The following BAHD1 variants were observed in gnomAD, a reference collection of about 807,000 sequenced individuals.
BAHD1 encodes bromo adjacent homology domain containing 1.
A neutral mutation model predicts 63.1 loss-of-function variants in BAHD1; 20 were observed. That is an observed-to-expected ratio of 0.32 (90% CI 0.22 to 0.46). The LOEUF is 0.46. Among genes scored for constraint, BAHD1 ranks in the 20% least tolerant of loss-of-function variants. The pLI, the probability that BAHD1 is intolerant of heterozygous loss-of-function variation, is 1.00. For missense variants in BAHD1, 939 were observed against 1,071.8 expected (o/e 0.88, Z 1.73); for synonymous variants, 408 against 426.8 (o/e 0.96, Z 0.54).
In BAHD1 at chr15:40,459,887, T is replaced by C; in HGVS notation, c.1423T>C (p.Phe475Leu). The stretch of plus-strand genomic sequence containing the variant: ...TGGCGGCTGCCCATACAAAATGCCT[T>C]TTGCAGCAGGTGAGGCTTCCTGGGC... ...TCGGCPYKMP[F>L]AAEGCRSLGQ... Residue 475 changes from phenylalanine (F) to leucine (L), a missense_variant, in exon 2 of 7, where the codon TTT becomes CTT. By Grantham distance (22) the Phe-to-Leu change is conservative (BLOSUM62 0). This residue lies in a region of BAHD1 where 797 missense variants were observed against 813.3 expected (regional missense o/e 0.98). Transcript: ENST00000416165. 1 of 1,583,200 alleles carries C rather than the reference T, an allele frequency of 6.3e-7. No homozygotes were observed. Among genetic ancestry groups the C allele is most frequent in the Non-Finnish European group, 8.6e-7 (1 of 1,162,874 alleles).
intron 1 of BAHD1, among the ~76,000 whole-genome samples, chr15:40,450,223 G>A (rs939954371): frequency 2.0e-4 from 31 of 152,338 alleles, no homozygotes; most frequent in Middle Eastern, 3.4e-3. Context: ...ACTCTGATAC[G>A]ATCTGCCTTG....
chr15:40,440,560 A>G (rs1595842194), upstream of BAHD1, among the ~76,000 whole-genome samples: 5 of 110,712 alleles, frequency 4.5e-5, no homozygotes, highest in Admixed American at 9.4e-5. Flanking sequence ...GGGCGGGGGG[A>G]GATAAGATTT....
At chr15:40,449,154 A>G (rs772165147) in intron 1 of BAHD1, among the ~76,000 whole-genome samples, 2 of 152,016 alleles carry the variant, frequency 1.3e-5, no homozygotes, top group Non-Finnish European at 2.9e-5. Context: ...TTTCCTTGTT[A>G]GGATGAAATG....
chr15:40,458,692 C>T lies in BAHD1; in HGVS notation c.228C>T (p.Arg76=). 6.2e-7 allele frequency: 1 copy of T among 1,613,874 alleles called. No individual in the cohort carries two copies. The highest frequency in any genetic ancestry group is 8.5e-7 in the Non-Finnish European group (1 of 1,180,022). Residue 76 remains arginine, a synonymous_variant, in exon 2 of 7, where the codon CGC becomes CGT. Coordinates refer to ENST00000416165, the MANE Select transcript of BAHD1 (RefSeq NM_014952.5). This position sits in a 1 kb window ranked among gnomAD's most constrained non-coding sequence, Gnocchi z 4.7. ...AGGCCTGCAAAGTGCTGCTGACTCG[C>T]CTGGAGAATGTGGCCGGTCCCCGGA... The part of the protein sequence containing the change: ...KPKACKVLLT[R]LENVAGPRSA...
At chr15:40,462,720 C>A (rs73387102) in intron 3 of BAHD1, among the ~76,000 whole-genome samples, 2,106 of 152,092 alleles carry the variant, frequency 0.014, 55 homozygotes, top group African/African-American at 0.048. Context: ...AGGCCAAGTG[C>A]GGTGGCTCAC....
rs1327724435 is a variant in BAHD1 at position 40,440,970 on chromosome 15, G to A, written c.-313G>A. 1.3e-5 allele frequency among the ~76,000 whole-genome samples: 2 copies of A among 151,510 alleles called. No individual in the cohort carries two copies. The highest frequency in any genetic ancestry group is 4.8e-5 in the African/African-American group (2 of 41,386). ...CTCTCGGGGAGTTTGTGGGGGAACC[G>A]CGAGCGGCGTAGCGGATCCCGGAGC... On this transcript the variant is annotated 5_prime_UTR_variant, in exon 1 of 7. Coordinates refer to ENST00000416165, the MANE Select transcript of BAHD1 (RefSeq NM_014952.5).
rs1469555418 is a variant in BAHD1 at position 40,463,909 on chromosome 15, C to T, written c.1864C>T (p.His622Tyr). 1.1e-5 allele frequency: 18 copies of T among 1,614,238 alleles called. No homozygotes were observed. The highest frequency in any genetic ancestry group is 1.7e-5 in the Admixed American group (1 of 60,028). ...AAAGAGCTACCAGGCGGTAGAGCGGCATGGGGAGACAATCCGAGTCCGGGA... is the reference window on the plus strand; with the variant it reads ...AAAGAGCTACCAGGCGGTAGAGCGGTATGGGGAGACAATCCGAGTCCGGGA... ...IRKSYQAVER[H>Y]GETIRVRDTV... Residue 622 changes from histidine (H) to tyrosine (Y), a missense_variant, in exon 4 of 7, where the codon CAT becomes TAT. Physicochemically the swap from His to Tyr is moderately conservative, Grantham distance 83. This residue lies in a region of BAHD1 where 35 missense variants were observed against 56.5 expected (regional missense o/e 0.62). Transcript: ENST00000416165.
In BAHD1 at chr15:40,445,276, AC is replaced by A. The variant is rs869074347; in HGVS notation, c.-15+4009del. Among the ~76,000 whole-genome samples the A allele has an allele frequency of 2.9e-3, 437 of 148,854 alleles. 9 individuals are homozygous for A. Among genetic ancestry groups the A allele is most frequent in the African/African-American group, 8.2e-3 (330 of 40,184 alleles). On this transcript the variant is annotated intron_variant, in intron 1 of 6. Coordinates refer to ENST00000416165, the MANE Select transcript of BAHD1 (RefSeq NM_014952.5). ...TTGGGTAAAAAAAAAAAAAAAAAAA[AC>A]AACCCTTTCACACCTTCTCTGGTTA...
upstream of BAHD1, among the ~76,000 whole-genome samples, chr15:40,438,518 G>A (rs997760863): frequency 6.6e-6 from 1 of 152,070 alleles, no homozygotes; most frequent in Non-Finnish European, 1.5e-5. Flanking sequence ...AGCGGACACC[G>A]CCACCCACAC....
At chr15:40,464,769 A>G (rs1308265663) in intron 5 of BAHD1, 1 of 545,480 alleles carries the variant, frequency 1.8e-6, no homozygotes, top group Non-Finnish European at 3.3e-6. Context: ...TGTCTTAAAA[A>G]GAGGAACAGA....
chr15:40,447,989 C>T (rs546727700), intron 1 of BAHD1, among the ~76,000 whole-genome samples: 1 of 152,308 alleles, frequency 6.6e-6, no homozygotes, highest in South Asian at 2.1e-4. Flanking sequence ...GTGGCTCACG[C>T]CTATAATCCC....
chr15:40,465,515 G>T, intron 6 of BAHD1, 80 bp downstream of exon 6: 1 of 1,095,602 alleles, frequency 9.1e-7, no homozygotes. Flanking sequence ...GGAATTCCCC[G>T]AGAGGATCTC....
chr15:40,442,095 G>A (rs923645579), intron 1 of BAHD1, among the ~76,000 whole-genome samples: 1 of 152,174 alleles, frequency 6.6e-6, no homozygotes, highest in Non-Finnish European at 1.5e-5. Flanking sequence ...TCGCGGCCCG[G>A]CCTGGTCTTG....
At chr15:40,454,492 A>G (rs1893793480) in intron 1 of BAHD1, 2 of 152,006 alleles carry the variant, frequency 1.3e-5, no homozygotes, top group South Asian at 4.2e-4. Flanking sequence ...TTTAGAGTAC[A>G]CTTCTGAGGA....
At position 40,459,760 on chromosome 15, in the gene BAHD1, C is replaced by T; in HGVS notation, c.1296C>T (p.Pro432=). 1 of 1,614,006 alleles carries T rather than the reference C, an allele frequency of 6.2e-7. No homozygotes were observed. Among genetic ancestry groups the T allele is most frequent in the Non-Finnish European group, 8.5e-7 (1 of 1,180,028 alleles). ...CAGGCACCCCTTTCCAGCACCCTCC[C>T]TGGGGCTCCTCTCGCTACTGCTCTA... ...VPSGTPFQHP[P]WGSSRYCSSE... is the part of the protein sequence containing the mutation. The change falls in exon 2 of 7, where the codon CCC becomes CCT. Residue 432 remains proline (P), a synonymous_variant. Transcript: ENST00000416165.
chr15:40,466,402 T>G lies in BAHD1; in HGVS notation c.*272T>G, dbSNP rs1894209366. The G allele has an allele frequency of 3.6e-6, 1 of 274,890 alleles. No individual in the cohort carries two copies. The highest frequency in any genetic ancestry group is 5.2e-5 in the Admixed American group (1 of 19,072). 17.0% of individuals were successfully genotyped at this position (274,890 alleles called of 1,614,324 possible). ...GGGTGGAGATTTCCGAAAAGTAGTC[T>G]TCTCTGAGGCTGGGCCAAGCCTGAG... On this transcript the variant is annotated 3_prime_UTR_variant, in exon 7 of 7. Coordinates refer to ENST00000416165, the MANE Select transcript of BAHD1 (RefSeq NM_014952.5).
At chr15:40,461,777 A>C in intron 2 of BAHD1, 135 bp from the exon 3 acceptor site, 1 of 1,060,936 alleles carries the variant, frequency 9.4e-7, no homozygotes, top group Non-Finnish European at 1.3e-6. Context: ...CACCATAAAA[A>C]GGCCTCTGAT....
At chr15:40,457,892 A>G (rs1233060134) in intron 1 of BAHD1, among the ~76,000 whole-genome samples, 1 of 152,198 alleles carries the variant, frequency 6.6e-6, no homozygotes, top group Non-Finnish European at 1.5e-5. Flanking sequence ...GGGCACCTGT[A>G]GTCCCAGCTA....
At position 40,458,415 on chromosome 15, in the gene BAHD1, GA is replaced by G; in HGVS notation, c.-14-35del. The G allele has an allele frequency of 6.6e-7, 1 of 1,524,604 alleles. No homozygotes were observed. Among genetic ancestry groups the G allele is most frequent in the South Asian group, 1.3e-5 (1 of 76,518 alleles). 94.4% of individuals were successfully genotyped at this position (1,524,604 alleles called of 1,614,324 possible). On this transcript the variant is annotated intron_variant, in intron 1 of 6. Transcript: ENST00000416165. This position sits in a 1 kb window ranked among gnomAD's most constrained non-coding sequence, Gnocchi z 4.7. ...AGAAAGCAGGCAGGAGCAGGCCAGA[GA>G]GGGCTTCTCTCATTGCCCACCTTCT...
Sources: gnomAD v4.1 joint callset for allele counts (sites outside exome capture counted in the v4.1 genomes callset) on GRCh38, gnomAD v4.1.1 for gene constraint, gnomAD v4.1.1 regional missense constraint, Gnocchi (gnomAD v3.1) non-coding constraint, MANE v1.5 for transcripts, NCBI Gene and HGNC (gene_info 2026-07-23, HGNC 2026-07-21) for gene names.